The following SLC8A1 variants were observed in gnomAD, a reference collection of about 807,000 sequenced individuals.
SLC8A1 encodes sodium/calcium exchanger 1.
A neutral mutation model predicts 68.3 loss-of-function variants in SLC8A1; 18 were observed. The ratio of observed to expected loss-of-function variants is 0.26; its 90% confidence interval spans 0.18 to 0.39. The LOEUF (loss-of-function observed/expected upper bound fraction) is 0.39, where lower values mean the gene tolerates loss of function less well. Among genes scored for constraint, SLC8A1 ranks in the 10% least tolerant of loss-of-function variants. The probability of loss-of-function intolerance (pLI) is 1.00; values close to 1 mark genes in which losing one functional copy is unlikely to be tolerated. For missense variants in SLC8A1, 985 were observed against 1,156.7 expected, an observed-to-expected ratio of 0.85 and a Z score of 2.15; for synonymous variants, 475 against 415.5, an observed-to-expected ratio of 1.14 and a Z score of -1.74.
intron 2 of SLC8A1, among the ~76,000 whole-genome samples, chr2:40,329,624 A>G (rs1488011358): frequency 6.6e-6 from 1 of 152,206 alleles, no homozygotes; most frequent in East Asian, 1.9e-4. Flanking sequence ...CTTCAAAACC[A>G]GGCCAAGAAT....
At chr2:40,400,091 G>T (rs547633346) in intron 2 of SLC8A1, among the ~76,000 whole-genome samples, 1 of 152,106 alleles carries the variant, frequency 6.6e-6, no homozygotes, top group Non-Finnish European at 1.5e-5. Context: ...AATCGATCAC[G>T]ACCCTCTCGC....
intron 2 of SLC8A1, among the ~76,000 whole-genome samples, chr2:40,337,582 T>C (rs1422480448): frequency 2.0e-5 from 3 of 152,146 alleles, no homozygotes; most frequent in African/African-American, 7.2e-5. Context: ...TTACTTGGTA[T>C]GGATTCATCT....
At chr2:40,240,215 C>T (rs1167671525) in intron 2 of SLC8A1, among the ~76,000 whole-genome samples, 1 of 152,162 alleles carries the variant, frequency 6.6e-6, no homozygotes, top group African/African-American at 2.4e-5. Flanking sequence ...ACAGAGAGTA[C>T]TTATTATGTA....
intron 1 of SLC8A1, among the ~76,000 whole-genome samples, chr2:40,458,015 T>A (rs1029467767): frequency 2.0e-5 from 3 of 152,204 alleles, no homozygotes; most frequent in Non-Finnish European, 4.4e-5. Context: ...CCTCTATTGG[T>A]CAGAAGTCGA....
At chr2:40,482,680 T>C (rs2149914188) in intron 1 of SLC8A1, among the ~76,000 whole-genome samples, 1 of 152,316 alleles carries the variant, frequency 6.6e-6, no homozygotes, top group East Asian at 1.9e-4. Context: ...CTCCAGTCTT[T>C]GCTCTTTGTG....
At chr2:40,415,732 C>A (rs560010991) in intron 2 of SLC8A1, among the ~76,000 whole-genome samples, 51 of 152,122 alleles carry the variant, frequency 3.4e-4, no homozygotes, top group Non-Finnish European at 5.9e-4. Flanking sequence ...TATCCCAGCA[C>A]TTTGGGAGGC....
At chr2:40,267,268 C>T (rs1340332193) in intron 2 of SLC8A1, among the ~76,000 whole-genome samples, 3 of 152,152 alleles carry the variant, frequency 2.0e-5, no homozygotes, top group Non-Finnish European at 4.4e-5. Flanking sequence ...TAACTTCAGT[C>T]ATAACCCTTA....
At chr2:40,288,404 A>G (rs1275870023) in intron 2 of SLC8A1, among the ~76,000 whole-genome samples, 1 of 152,182 alleles carries the variant, frequency 6.6e-6, no homozygotes, top group Non-Finnish European at 1.5e-5. Context: ...GAGTTCCACC[A>G]GGGATGATCT....
rs1018725236 is a variant in SLC8A1, at chr2:40,346,490, C to T, written c.1808+81983G>A. ...TGTGACCAGCACTGCTTTATGGCTA[C>T]AGCAGTATTCCTCCTAGGACCATGC... is the stretch of plus-strand genomic sequence containing the variant. On this transcript the variant is annotated intron_variant, in intron 2 of 7. Transcript: ENST00000406785. Among the ~76,000 whole-genome samples the T allele has an allele frequency of 3.9e-5, 6 of 152,260 alleles. 1 individual carries two copies. In the South Asian group the frequency reaches 1.2e-3, roughly 32 times the overall value.
At chr2:40,370,688 G>C (rs904871649) in intron 2 of SLC8A1, among the ~76,000 whole-genome samples, 1 of 151,978 alleles carries the variant, frequency 6.6e-6, no homozygotes, top group South Asian at 2.1e-4. Context: ...AAAAAGCAAA[G>C]AAAGCCTCTA....
intron 1 of SLC8A1, among the ~76,000 whole-genome samples, chr2:40,445,040 C>T (rs1701189082): frequency 6.6e-6 from 1 of 152,208 alleles, no homozygotes; most frequent in South Asian, 2.1e-4. Flanking sequence ...TTTATATCTT[C>T]AGTAATGAGC....
chr2:40,220,581 G>GA (rs1453550757), intron 2 of SLC8A1, among the ~76,000 whole-genome samples: 1 of 152,058 alleles, frequency 6.6e-6, no homozygotes, highest in Non-Finnish European at 1.5e-5. Flanking sequence ...GTTCCATTAA[G>GA]AAAAAAGCAC....
intron 2 of SLC8A1, among the ~76,000 whole-genome samples, chr2:40,284,077 A>T (rs548449493): frequency 3.0e-4 from 45 of 152,164 alleles, no homozygotes; most frequent in Non-Finnish European, 5.6e-4. Context: ...AGGTTAATTT[A>T]AAAAACCTAT....
At chr2:40,396,976 A>C (rs1016143654) in intron 2 of SLC8A1, among the ~76,000 whole-genome samples, 9 of 152,104 alleles carry the variant, frequency 5.9e-5, no homozygotes, top group Non-Finnish European at 1.2e-4. Context: ...TTAAATCTGC[A>C]ATTTCCATGG....
intron 2 of SLC8A1, among the ~76,000 whole-genome samples, chr2:40,253,139 ATATG>A: frequency 1.9e-5 from 2 of 104,130 alleles, no homozygotes; most frequent in Admixed American, 1.1e-4. Flanking sequence ...GTATATATGT[ATATG>A]TATATACATA....
intron 2 of SLC8A1, among the ~76,000 whole-genome samples, chr2:40,283,668 T>G (rs944101237): frequency 6.6e-6 from 1 of 152,184 alleles, no homozygotes; most frequent in Non-Finnish European, 1.5e-5. Context: ...CGCATCAAAG[T>G]CAGAGCTCCA....
intron 2 of SLC8A1, among the ~76,000 whole-genome samples, chr2:40,190,240 C>A (rs948338436): frequency 3.9e-5 from 6 of 152,198 alleles, no homozygotes; most frequent in Admixed American, 2.6e-4. Context: ...CAGCCCTCAT[C>A]TTCCCAAGCC....
intron 5 of SLC8A1, among the ~76,000 whole-genome samples, chr2:40,162,849 A>T (rs566732387): frequency 6.6e-6 from 1 of 152,174 alleles, no homozygotes; most frequent in African/African-American, 2.4e-5. Context: ...ACCATAGTAA[A>T]TAAGAACTCA....
intron 2 of SLC8A1, among the ~76,000 whole-genome samples, chr2:40,205,215 A>C (rs2055162425): frequency 6.6e-6 from 1 of 152,032 alleles, no homozygotes; most frequent in South Asian, 2.1e-4. Context: ...CTATTTGAAA[A>C]CATGTTGTAC....
Sources: gnomAD v4.1 joint callset for allele counts (sites outside exome capture counted in the v4.1 genomes callset) on GRCh38, gnomAD v4.1.1 for gene constraint, MANE v1.5 for transcripts, NCBI Gene and HGNC (gene_info 2026-07-23, HGNC 2026-07-21) for gene names.